Variants in KCNQ1 observed in about 807,000 individuals in gnomAD.
KCNQ1 encodes potassium voltage-gated channel subfamily Q member 1, also known as potassium voltage-gated channel subfamily KQT member 1.
KCNQ1 carries 49 observed loss-of-function variants against 72.4 expected under a neutral mutation model. The observed-to-expected ratio is 0.68, with a 90% CI of 0.54 to 0.86. KCNQ1 has a LOEUF of 0.86. Ranked by LOEUF, KCNQ1 falls within the 40% of genes least tolerant of loss-of-function variation. KCNQ1 has a pLI of 0.00. For missense variants in KCNQ1, 790 were observed against 945.1 expected, an observed-to-expected ratio of 0.84 and a Z score of 2.15; for synonymous variants, 450 against 412.6, an observed-to-expected ratio of 1.09 and a Z score of -1.10.
In KCNQ1 at chr11:2,477,809, A is replaced by G. The variant is rs1406732352; in HGVS notation, c.386+32325A>G. Among the ~76,000 whole-genome samples, 1 of 152,160 alleles carries G rather than the reference A, an allele frequency of 6.6e-6. No individual in the cohort carries two copies. The highest frequency in any genetic ancestry group is 1.5e-5 in the Non-Finnish European group (1 of 68,018). The stretch of plus-strand genomic sequence containing the variant: ...AATGGATTATAATTCATGAAAAAAG[A>G]ATCTATGCATCCACAGGGACACACC... On this transcript the variant is annotated intron_variant, in intron 1 of 15. Transcript: ENST00000155840. This position sits in a 1 kb window ranked among gnomAD's most constrained non-coding sequence, Gnocchi z 5.0.
At chr11:2,820,955 G>A (rs944859453) in intron 15 of KCNQ1, among the ~76,000 whole-genome samples, 7 of 152,224 alleles carry the variant, frequency 4.6e-5, no homozygotes, top group South Asian at 2.1e-4. Context: ...CCCCTGGCCC[G>A]TGCTGGGCCT....
At chr11:2,628,217 T>G in intron 10 of KCNQ1, 2 of 398,646 alleles carry the variant, frequency 5.0e-6, no homozygotes, top group East Asian at 3.6e-5. Flanking sequence ...TCTATCGTGT[T>G]TTCCATAATG....
chr11:2,736,126 T>C (rs925910389), intron 11 of KCNQ1, among the ~76,000 whole-genome samples: 8 of 152,140 alleles, frequency 5.3e-5, no homozygotes, highest in African/African-American at 1.9e-4. Context: ...GGGGGCTCAT[T>C]GGGCAGAACC....
chr11:2,662,613 G>A, intron 11 of KCNQ1: 2 of 414,380 alleles, frequency 4.8e-6, no homozygotes. Flanking sequence ...TCACGGCATG[G>A]CCAGGCCAAT....
At chr11:2,743,174 C>A (rs534988169) in intron 11 of KCNQ1, among the ~76,000 whole-genome samples, 2 of 152,106 alleles carry the variant, frequency 1.3e-5, no homozygotes, top group Non-Finnish European at 2.9e-5. Context: ...AGGGGCATTC[C>A]CAGAAATCAC....
At position 2,450,613 on chromosome 11, in the gene KCNQ1, C is replaced by T. The variant is rs986133552; in HGVS notation, c.386+5129C>T. ...GCTCTGCTTGCATCTGGGGTCCCTG[C>T]GGGCACGTCGGTGAGACCGTCCTGG... On this transcript the variant is annotated intron_variant, in intron 1 of 15. Coordinates refer to ENST00000155840, the MANE Select transcript of KCNQ1 (RefSeq NM_000218.3). The surrounding 1 kb of genome is among the most constrained non-coding windows in gnomAD (Gnocchi z 7.9). 3.3e-5 allele frequency among the ~76,000 whole-genome samples: 5 copies of T among 152,056 alleles called. No individual in the cohort carries two copies. The highest frequency in any genetic ancestry group is 6.5e-5 in the Admixed American group (1 of 15,280).
At position 2,766,122 on chromosome 11, in the gene KCNQ1, A is replaced by G. The variant is rs1342271321; in HGVS notation, c.1515-2722A>G. On this transcript the variant is annotated intron_variant, in intron 11 of 15. Transcript: ENST00000155840. The surrounding 1 kb of genome is among the most constrained non-coding windows in gnomAD (Gnocchi z 4.4). ...TCTGGAACTTCCTTTTTATGTATCTATAAATTTTATTTCTCTGGTAAAATT... is the reference window on the plus strand; with the variant it reads ...TCTGGAACTTCCTTTTTATGTATCTGTAAATTTTATTTCTCTGGTAAAATT... 6.6e-6 allele frequency among the ~76,000 whole-genome samples: 1 copy of G among 152,116 alleles called. No homozygotes were observed. The highest frequency in any genetic ancestry group is 1.5e-5 in the Non-Finnish European group (1 of 68,036).
intron 15 of KCNQ1, among the ~76,000 whole-genome samples, chr11:2,778,892 C>T (rs971868389): frequency 3.9e-5 from 6 of 152,132 alleles, no homozygotes; most frequent in African/African-American, 1.4e-4. Context: ...AGGCACAGCC[C>T]GGCCCAGGCT....
chr11:2,558,251 C>T (rs1268409568), intron 2 of KCNQ1, among the ~76,000 whole-genome samples: 1 of 152,240 alleles, frequency 6.6e-6, no homozygotes, highest in Admixed American at 6.5e-5. Flanking sequence ...TTGCTGGTGG[C>T]TTCACTGTGT....
intron 15 of KCNQ1, among the ~76,000 whole-genome samples, chr11:2,829,635 A>G (rs189905773): frequency 6.6e-6 from 1 of 151,990 alleles, no homozygotes; most frequent in East Asian, 2.0e-4. Context: ...CAGGGGCATG[A>G]GAACAAAATC....
At position 2,723,884 on chromosome 11, in the gene KCNQ1, C is replaced by A. The variant is rs1039684609; in HGVS notation, c.1515-44960C>A. ...CACGGATTCCAGGGGGACCTCGGGA[C>A]GAGGAAGTCACACGTTGGGGGATGT... On this transcript the variant is annotated intron_variant, in intron 11 of 15. Transcript: ENST00000155840. The surrounding 1 kb of genome is among the most constrained non-coding windows in gnomAD (Gnocchi z 4.2). Among the ~76,000 whole-genome samples, 1 of 152,120 alleles carries A rather than the reference C, an allele frequency of 6.6e-6. No homozygotes were observed. The highest frequency in any genetic ancestry group is 1.5e-5 in the Non-Finnish European group (1 of 68,024).
intron 15 of KCNQ1, among the ~76,000 whole-genome samples, chr11:2,844,653 A>T (rs1340109276): frequency 6.6e-6 from 1 of 152,158 alleles, no homozygotes; most frequent in South Asian, 2.1e-4. Flanking sequence ...GATTCCAGCC[A>T]CACCCTCAGC....
chr11:2,798,775 C>G (rs1201242434), intron 15 of KCNQ1, among the ~76,000 whole-genome samples: 1 of 152,154 alleles, frequency 6.6e-6, no homozygotes, highest in Non-Finnish European at 1.5e-5. Context: ...GAAAATGTAA[C>G]TTAATCGTAG....
At chr11:2,722,130 T>G (rs1740982069) in intron 11 of KCNQ1, among the ~76,000 whole-genome samples, 1 of 152,076 alleles carries the variant, frequency 6.6e-6, no homozygotes, top group Non-Finnish European at 1.5e-5. Flanking sequence ...CCTGTGCCCC[T>G]GGGATCAAGC....
Position 2,627,668 on chromosome 11 carries a change from GTA to G in KCNQ1, c.1394-34287_1394-34286del, listed in dbSNP as rs1239228433. The G allele has an allele frequency of 2.5e-6, 1 of 398,486 alleles. No homozygotes were observed. Among genetic ancestry groups the G allele is most frequent in the East Asian group, 3.6e-5 (1 of 28,074 alleles). The allele number at this position is 398,486 out of a possible 1,614,324, so 24.7% of individuals were successfully genotyped here. On this transcript the variant is annotated intron_variant, in intron 10 of 15. Transcript: ENST00000155840. The surrounding 1 kb of genome is among the most constrained non-coding windows in gnomAD (Gnocchi z 4.9). ...AGGATGAATATTTCATTGTGTGTGT[GTA>G]TATATGTGTGTGTGTGTGTCTGTAT...
Position 2,445,137 on chromosome 11 carries a change from G to T in KCNQ1, c.39G>T (p.Lys13Asn). 3.6e-6 allele frequency: 4 copies of T among 1,123,352 alleles called. No homozygotes were observed. The highest frequency in any genetic ancestry group is 4.4e-6 in the Non-Finnish European group (4 of 915,942). The allele number at this position is 1,123,352 out of a possible 1,614,324, so 69.6% of individuals were successfully genotyped here. The change falls in exon 1 of 16, where the codon AAG becomes AAT. Residue 13 changes from lysine to asparagine, a missense_variant. Lys to Asn is a moderately conservative substitution (Grantham distance 94). Transcript: ENST00000155840. ...AASSPPRAERKRWGWGRLPGA... is the reference protein window; with the variant it reads ...AASSPPRAERNRWGWGRLPGA... ...CCTCCCCGCCCAGGGCCGAGAGGAA[G>T]CGCTGGGGTTGGGGCCGCCTGCCAG...
At chr11:2,649,930 A>C (rs1481304688) in intron 10 of KCNQ1, 1 of 398,356 alleles carries the variant, frequency 2.5e-6, no homozygotes, top group Non-Finnish European at 4.4e-6. Flanking sequence ...AAAATGTGAA[A>C]TATTGTTAGC....
intron 11 of KCNQ1, among the ~76,000 whole-genome samples, chr11:2,757,071 C>G (rs958713336): frequency 6.6e-6 from 1 of 151,246 alleles, no homozygotes; most frequent in African/African-American, 2.4e-5. Context: ...TCTGTTCTCA[C>G]CACTTCTATT....
At chr11:2,666,910 G>A (rs965536396) in intron 11 of KCNQ1, 4 of 398,562 alleles carry the variant, frequency 1.0e-5, no homozygotes, top group African/African-American at 8.2e-5. Context: ...CCAGTGTCCT[G>A]TCTTCTGCAA....
Sources: gnomAD v4.1 joint callset for allele counts (sites outside exome capture counted in the v4.1 genomes callset) on GRCh38, gnomAD v4.1.1 for gene constraint, Gnocchi (gnomAD v3.1) non-coding constraint, MANE v1.5 for transcripts, NCBI Gene and HGNC (gene_info 2026-07-23, HGNC 2026-07-21) for gene names.